LYST: variants seen among roughly 807,000 people sequenced by gnomAD.
The protein encoded by LYST is lysosomal-trafficking regulator.
LYST carries 192 observed loss-of-function variants against 413.6 expected under a neutral mutation model. The ratio of observed to expected loss-of-function variants is 0.46; its 90% CI spans 0.41 to 0.52. The LOEUF is 0.52. Among genes scored for constraint, LYST ranks in the 20% least tolerant of loss-of-function variants. The probability of loss-of-function intolerance (pLI) is 0.00; values close to 1 mark genes in which losing one functional copy is unlikely to be tolerated. For missense variants in LYST, 3,815 were observed against 4,499.9 expected, an observed-to-expected ratio of 0.85 and a Z score of 4.35; for synonymous variants, 1,525 against 1,567.3, an observed-to-expected ratio of 0.97 and a Z score of 0.64.
chr1:235,802,307 T>C (rs1435022377), intron 8 of LYST, among the ~76,000 whole-genome samples: 7 of 152,014 alleles, frequency 4.6e-5, no homozygotes, highest in African/African-American at 1.7e-4. Flanking sequence ...ACCCATCTTT[T>C]CCATTCTACT....
At chr1:235,799,119 C>T (rs529158726) in intron 10 of LYST, among the ~76,000 whole-genome samples, 2 of 152,068 alleles carry the variant, frequency 1.3e-5, no homozygotes, top group East Asian at 1.9e-4. Context: ...AAAAATACAC[C>T]CATATACTAA....
intron 16 of LYST, among the ~76,000 whole-genome samples, chr1:235,778,888 C>T (rs919154204): frequency 6.7e-6 from 1 of 150,046 alleles, no homozygotes; most frequent in Non-Finnish European, 1.5e-5. Flanking sequence ...TTTTTTGAGA[C>T]AGAGTTTGAC....
chr1:235,757,444 C>T lies in LYST; in HGVS notation c.6896G>A (p.Cys2299Tyr). The T allele has an allele frequency of 6.2e-7, 1 of 1,613,364 alleles. No homozygotes were observed. The highest frequency in any genetic ancestry group is 8.5e-7 in the Non-Finnish European group (1 of 1,179,510). ...TASAHSVTED[C>Y]LVPICCGLYE... Reference sequence around the variant, plus strand: ...TAATCCACAGCATATAGGTACCAAACAGTCTTCAGTTACACTAAAACAGAG... The same window carrying T: ...TAATCCACAGCATATAGGTACCAAATAGTCTTCAGTTACACTAAAACAGAG... The change falls in exon 24 of 53, where the codon TGT (cysteine) becomes TAT (tyrosine). Residue 2299 changes from cysteine (C) to tyrosine (Y), a missense_variant. Cys to Tyr is a radical substitution (Grantham distance 194, BLOSUM62 -2). Around this residue, in one of 4 missense-constraint regions of LYST, gnomAD observed 771 missense variants for 837.1 expected, o/e 0.92. Coordinates refer to ENST00000389793, the MANE Select transcript of LYST (RefSeq NM_000081.4).
rs1412228818 is a variant in LYST at position 235,806,344 on chromosome 1, C to G, written c.2792G>C (p.Ser931Thr). The G allele has an allele frequency of 2.5e-6, 4 of 1,613,956 alleles. No homozygotes were observed. The African/African-American group carries it at 4.0e-5, about 16-fold the overall frequency. Residue 931 changes from serine (S) to threonine (T), a missense_variant, in exon 6 of 53, where the codon AGC (serine) becomes ACC (threonine). This residue lies in a region of LYST where 1,648 missense variants were observed against 1,810.3 expected (regional missense o/e 0.91). Transcript: ENST00000389793. ...ATGACTTAAAGGCTCGCTGGCTGTG[C>G]TGTCATAGCCAGAAGTATCTTCTGA... ...NDSEDTSGYD[S>T]TASEPLSHML...
At chr1:235,819,802 C>T (rs528880987) in intron 3 of LYST, among the ~76,000 whole-genome samples, 30 of 152,264 alleles carry the variant, frequency 2.0e-4, no homozygotes, top group Non-Finnish European at 3.2e-4. Flanking sequence ...CCTGCCACCA[C>T]GCCCAGCTAA....
chr1:235,863,215 AC>A (rs776377365), intron 1 of LYST, among the ~76,000 whole-genome samples: 1 of 151,706 alleles, frequency 6.6e-6, no homozygotes, highest in Non-Finnish European at 1.5e-5. Flanking sequence ...ACACAGTGAA[AC>A]CCCATCTCTG....
intron 1 of LYST, among the ~76,000 whole-genome samples, chr1:235,846,550 CAGG>C (rs760724646): frequency 1.2e-4 from 18 of 151,940 alleles, no homozygotes; most frequent in Non-Finnish European, 2.4e-4. Context: ...ACAAAGAATT[CAGG>C]AGGTTAGATA....
At chr1:235,726,443 T>C (rs186760726) in intron 38 of LYST, among the ~76,000 whole-genome samples, 15 of 152,318 alleles carry the variant, frequency 9.8e-5, no homozygotes, top group South Asian at 8.3e-4. Context: ...ATTCAACATA[T>C]ATTAATTAAC....
intron 1 of LYST, among the ~76,000 whole-genome samples, chr1:235,860,288 C>A (rs1413045526): frequency 1.3e-5 from 2 of 152,182 alleles, no homozygotes; most frequent in Non-Finnish European, 2.9e-5. Context: ...GCCTCCCCAA[C>A]TATGGACAGC....
intron 23 of LYST, 61 bp downstream of exon 23, chr1:235,758,911 A>C: frequency 6.7e-7 from 1 of 1,493,114 alleles, no homozygotes; most frequent in Non-Finnish European, 9.3e-7. Context: ...CCAGAGGGGT[A>C]GAGAGTCTTT....
At chr1:235,795,657 G>C (rs1671480810) in intron 10 of LYST, among the ~76,000 whole-genome samples, 1 of 152,092 alleles carries the variant, frequency 6.6e-6, no homozygotes. Context: ...TTCACACAGA[G>C]CTCTTCCACA....
intron 19 of LYST, 51 bp downstream of exon 19, chr1:235,773,791 T>C (rs377065004): frequency 1.3e-5 from 19 of 1,454,798 alleles, no homozygotes; most frequent in Non-Finnish European, 1.7e-5. Flanking sequence ...AATTTTGTGT[T>C]ATATGCATTT....
intron 45 of LYST, among the ~76,000 whole-genome samples, chr1:235,701,766 CT>C (rs2103098809): frequency 6.6e-6 from 1 of 152,312 alleles, no homozygotes; most frequent in African/African-American, 2.4e-5. Flanking sequence ...AAACTCAACA[CT>C]TGTAATTTAG....
chr1:235,858,390 T>A (rs1206422071), intron 1 of LYST, among the ~76,000 whole-genome samples: 2 of 78,756 alleles, frequency 2.5e-5, no homozygotes, highest in African/African-American at 5.7e-5. Context: ...TAGTTTTTAT[T>A]AATATTAATA....
At chr1:235,845,027 T>C (rs7525749) in intron 1 of LYST, among the ~76,000 whole-genome samples, 70,655 of 151,456 alleles carry the variant, frequency 0.47, 18,035 homozygotes, top group East Asian at 0.93. Context: ...GAGCAGCATG[T>C]GGTGGCTTGC....
intron 46 of LYST, among the ~76,000 whole-genome samples, chr1:235,695,472 G>A (rs1392526803): frequency 2.0e-5 from 3 of 152,148 alleles, no homozygotes; most frequent in Non-Finnish European, 2.9e-5. Context: ...TAATTTGAGC[G>A]AACATAGCTA....
intron 3 of LYST, among the ~76,000 whole-genome samples, chr1:235,826,628 G>A (rs1461204194): frequency 1.3e-5 from 2 of 152,128 alleles, no homozygotes; most frequent in South Asian, 2.1e-4. Context: ...CTAAGGTGGC[G>A]GAAATATTCT....
chr1:235,868,176 A>T (rs2103219550), upstream of LYST, among the ~76,000 whole-genome samples: 1 of 151,480 alleles, frequency 6.6e-6, no homozygotes, highest in South Asian at 2.1e-4. Flanking sequence ...TTTATTTTTT[A>T]TCTTTTTTTT....
At position 235,836,322 on chromosome 1, in the gene LYST, G is replaced by A. The variant is rs554835159; in HGVS notation, c.-97-2655C>T. 2.6e-5 allele frequency among the ~76,000 whole-genome samples: 4 copies of A among 152,266 alleles called. No individual in the cohort carries two copies. The South Asian group carries it at 6.2e-4, about 24-fold the overall frequency. On this transcript the variant is annotated intron_variant, in intron 1 of 52. Transcript: ENST00000389793. The stretch of plus-strand genomic sequence containing the variant: ...AAAATCCTTACCATCATGTATTATA[G>A]TGAGGTGGAGACAGATGAAAAGCAA...
Sources: allele counts gnomAD v4.1 joint callset (sites outside exome capture counted in the v4.1 genomes callset), GRCh38; gene constraint gnomAD v4.1.1; regional missense constraint gnomAD v4.1.1; transcripts MANE v1.5; gene names NCBI Gene and HGNC (gene_info 2026-07-23, HGNC 2026-07-21).